Variants in CTNNA2 observed in about 807,000 individuals in gnomAD.
CTNNA2 encodes the protein catenin alpha-2.
Under a neutral mutation model 101.0 loss-of-function variants are expected in CTNNA2, and 42 were observed. The observed-to-expected ratio is 0.42, with a 90% CI of 0.32 to 0.54. The LOEUF is 0.54. Among genes scored for constraint, CTNNA2 ranks in the 20% least tolerant of loss-of-function variants. The pLI is 0.14. For missense variants in CTNNA2, 871 were observed against 1,223.1 expected, an observed-to-expected ratio of 0.71 and a Z score of 4.29; for synonymous variants, 450 against 456.4, an observed-to-expected ratio of 0.99 and a Z score of 0.18.
chr2:79,714,811 G>T (rs1685965551), intron 2 of CTNNA2, among the ~76,000 whole-genome samples: 1 of 151,984 alleles, frequency 6.6e-6, no homozygotes, highest in Non-Finnish European at 1.5e-5. Context: ...TTACAGCTCT[G>T]TTTTTTGTAT....
chr2:79,698,212 A>G (rs373311479), intron 2 of CTNNA2, among the ~76,000 whole-genome samples: 2 of 151,990 alleles, frequency 1.3e-5, no homozygotes, highest in East Asian at 1.9e-4. Flanking sequence ...TTTGTAAACT[A>G]TGTGTTTATT....
intron 9 of CTNNA2, among the ~76,000 whole-genome samples, chr2:80,474,021 C>T (rs1685520255): frequency 6.6e-6 from 1 of 152,118 alleles, no homozygotes; most frequent in Admixed American, 6.5e-5. Context: ...CACAGCTGCC[C>T]CTTGGATGAT....
intron 2 of CTNNA2, among the ~76,000 whole-genome samples, chr2:79,205,644 C>T (rs781466111): frequency 2.0e-5 from 3 of 152,102 alleles, no homozygotes; most frequent in Non-Finnish European, 4.4e-5. Flanking sequence ...ATGATAAAAC[C>T]CAGGTGTTCA....
chr2:79,242,993 T>TATATATATATAC (rs1306982182), intron 2 of CTNNA2, among the ~76,000 whole-genome samples: 48 of 116,718 alleles, frequency 4.1e-4, no homozygotes, highest in African/African-American at 1.3e-3. Context: ...TATATATATA[T>TATATATATATAC]ACACACACAC....
rs868853013 is a variant in CTNNA2, at chr2:80,626,221, C to G, written c.2574+6993C>G. ...GAAACATACAACTAGAGTTATTTCT[C>G]TCTCACATGGAATACATCTGTCTGT... On this transcript the variant is annotated intron_variant, in intron 18 of 18. Coordinates refer to ENST00000402739, the MANE Select transcript of CTNNA2 (RefSeq NM_001282597.3). Among the ~76,000 whole-genome samples, 18 of 152,176 alleles carry G rather than the reference C, an allele frequency of 1.2e-4. No homozygotes were observed. In the Middle Eastern group the frequency reaches 0.01, roughly 86 times the overall value.
intron 1 of CTNNA2, among the ~76,000 whole-genome samples, chr2:79,644,476 T>C (rs931922295): frequency 3.9e-5 from 6 of 152,218 alleles, no homozygotes; most frequent in Non-Finnish European, 7.3e-5. Context: ...TAATGTAAGA[T>C]ATTTACAAGC....
intron 9 of CTNNA2, among the ~76,000 whole-genome samples, chr2:80,529,283 A>T (rs1191683492): frequency 6.6e-6 from 1 of 152,222 alleles, no homozygotes; most frequent in East Asian, 1.9e-4. Flanking sequence ...AACCATTCTT[A>T]GCTTTAAAAC....
chr2:79,757,556 G>T (rs561933586), intron 3 of CTNNA2, among the ~76,000 whole-genome samples: 2 of 152,164 alleles, frequency 1.3e-5, no homozygotes, highest in African/African-American at 4.8e-5. Flanking sequence ...TACAGAAAGA[G>T]AATAAGAAAT....
intron 7 of CTNNA2, among the ~76,000 whole-genome samples, chr2:79,973,389 A>C (rs1320461145): frequency 6.6e-6 from 1 of 152,158 alleles, no homozygotes; most frequent in Non-Finnish European, 1.5e-5. Context: ...GGCCGGTACT[A>C]TCTGTTGGGT....
intron 7 of CTNNA2, among the ~76,000 whole-genome samples, chr2:80,281,783 A>T (rs2149161565): frequency 6.6e-6 from 1 of 152,192 alleles, no homozygotes; most frequent in East Asian, 1.9e-4. Context: ...CTAATAAGTG[A>T]ATACAAAATT....
At chr2:79,234,321 C>G (rs1674530890) in intron 2 of CTNNA2, among the ~76,000 whole-genome samples, 1 of 152,002 alleles carries the variant, frequency 6.6e-6, no homozygotes, top group Admixed American at 6.6e-5. Flanking sequence ...GTATGATAGT[C>G]TTGGTTGAAA....
At chr2:80,231,138 AT>A (rs1420613337) in intron 7 of CTNNA2, among the ~76,000 whole-genome samples, 2 of 151,758 alleles carry the variant, frequency 1.3e-5, no homozygotes, top group Non-Finnish European at 2.9e-5. Context: ...TCCCCCGCTA[AT>A]TTTTTTGTAT....
chr2:80,368,373 A>G (rs1675128053), intron 7 of CTNNA2, among the ~76,000 whole-genome samples: 1 of 152,194 alleles, frequency 6.6e-6, no homozygotes, highest in South Asian at 2.1e-4. Context: ...AATAGGGTGC[A>G]TGTAGAGGAC....
chr2:79,923,451 T>A (rs1172360856), intron 7 of CTNNA2, among the ~76,000 whole-genome samples: 2 of 152,138 alleles, frequency 1.3e-5, no homozygotes, highest in African/African-American at 4.8e-5. Flanking sequence ...TAATAATTAA[T>A]TAAATTGACA....
chr2:79,453,928 C>T (rs1311508357), intron 4 of CTNNA2, among the ~76,000 whole-genome samples: 1 of 152,068 alleles, frequency 6.6e-6, no homozygotes, highest in Non-Finnish European at 1.5e-5. Flanking sequence ...TAATAATGAG[C>T]TTCTGTACAA....
chr2:79,987,694 C>T (rs609682), intron 7 of CTNNA2, among the ~76,000 whole-genome samples: 53,864 of 151,964 alleles, frequency 0.35, 10,735 homozygotes, highest in Non-Finnish European at 0.46. Flanking sequence ...TGTTATGTGG[C>T]ACTTGTTTTA....
At chr2:79,822,405 T>C in intron 3 of CTNNA2, among the ~76,000 whole-genome samples, 1 of 152,320 alleles carries the variant, frequency 6.6e-6, no homozygotes, top group Middle Eastern at 3.4e-3. Flanking sequence ...TTTATTTCTG[T>C]AAACAAATAT....
chr2:79,326,313 A>C (rs201520520), intron 3 of CTNNA2, among the ~76,000 whole-genome samples: 1 of 151,766 alleles, frequency 6.6e-6, no homozygotes, highest in Non-Finnish European at 1.5e-5. Context: ...AAAAAAAAAA[A>C]ACCAGACATC....
chr2:80,526,852 T>A (rs1271422632), intron 9 of CTNNA2, among the ~76,000 whole-genome samples: 2 of 152,226 alleles, frequency 1.3e-5, no homozygotes, highest in African/African-American at 4.8e-5. Flanking sequence ...ACTGCATAGG[T>A]ATCCAGGATT....
Sources: gnomAD v4.1 joint callset for allele counts (sites outside exome capture counted in the v4.1 genomes callset) on GRCh38, gnomAD v4.1.1 for gene constraint, MANE v1.5 for transcripts, NCBI Gene and HGNC (gene_info 2026-07-23, HGNC 2026-07-21) for gene names.